MAF: variants seen among roughly 807,000 people sequenced by gnomAD.
MAF encodes the protein MAF bZIP transcription factor.
A neutral mutation model predicts 22.0 loss-of-function variants in MAF; 10 were observed. That is an observed-to-expected ratio of 0.45 (90% CI 0.28 to 0.77). The LOEUF is 0.77. Among genes scored for constraint, MAF ranks in the 30% least tolerant of loss-of-function variants. MAF has a pLI of 0.12. For missense variants in MAF, 544 were observed against 548.4 expected (o/e 0.99, Z 0.08); for synonymous variants, 337 against 255.8 (o/e 1.32, Z -3.03).
chr16:79,407,789 C>T, the MAF span, among the ~76,000 whole-genome samples: 10 of 152,098 alleles, frequency 6.6e-5, no homozygotes, highest in Non-Finnish European at 1.5e-4. Context: ...GAGATCCAGT[C>T]GAGCCGCCCC....
chr16:79,577,154 G>A, the MAF span, among the ~76,000 whole-genome samples: 3 of 151,978 alleles, frequency 2.0e-5, no homozygotes, highest in African/African-American at 7.3e-5. Flanking sequence ...TTTCAGAGCC[G>A]GAGGGGTCTT....
the MAF span, among the ~76,000 whole-genome samples, chr16:79,307,333 A>G: frequency 3.9e-5 from 6 of 152,214 alleles, no homozygotes; most frequent in Non-Finnish European, 8.8e-5. Context: ...AAGGGCTTTG[A>G]GGTCCCAGAC....
chr16:79,452,868 G>A, the MAF span, among the ~76,000 whole-genome samples: 2 of 152,146 alleles, frequency 1.3e-5, no homozygotes, highest in Non-Finnish European at 2.9e-5. Context: ...GTCGCGAGAT[G>A]AAAGAACCTG....
At chr16:79,287,867 G>T in the MAF span, among the ~76,000 whole-genome samples, 9 of 151,980 alleles carry the variant, frequency 5.9e-5, no homozygotes, top group Non-Finnish European at 1.2e-4. Flanking sequence ...TCTGTGTTAG[G>T]CAGTCACCAA....
the MAF span, among the ~76,000 whole-genome samples, chr16:79,335,115 G>A: frequency 6.6e-6 from 1 of 150,378 alleles, no homozygotes; most frequent in Non-Finnish European, 1.5e-5. Context: ...AAACTGGGAG[G>A]CAGATGTTGC....
the MAF span, among the ~76,000 whole-genome samples, chr16:79,415,493 T>C: frequency 1.3e-5 from 2 of 152,192 alleles, no homozygotes; most frequent in Admixed American, 6.5e-5. Context: ...GAGCTATGTG[T>C]TGGGGCAGAA....
the MAF span, among the ~76,000 whole-genome samples, chr16:79,372,066 AT>A: frequency 0.026 from 3,508 of 132,414 alleles, 63 homozygotes; most frequent in Middle Eastern, 0.063. Context: ...AGGGAGAGGA[AT>A]TTTTTTTTTT....
intron 1 of MAF, chr16:79,595,696 C>T (rs2143768544): frequency 9.5e-7 from 1 of 1,058,054 alleles, no homozygotes; most frequent in Non-Finnish European, 1.1e-6. Context: ...ACCAGTAAAT[C>T]AAAGCACAGC....
the MAF span, among the ~76,000 whole-genome samples, chr16:79,219,882 T>C: frequency 6.6e-6 from 1 of 152,234 alleles, no homozygotes; most frequent in Non-Finnish European, 1.5e-5. Flanking sequence ...CCTTTCAATA[T>C]GATTTGTGAT....
chr16:79,318,942 C>G, the MAF span, among the ~76,000 whole-genome samples: 1 of 152,278 alleles, frequency 6.6e-6, no homozygotes, highest in East Asian at 1.9e-4. Flanking sequence ...ACCCTCAAAC[C>G]TCCATGAAAC....
the MAF span, among the ~76,000 whole-genome samples, chr16:79,530,928 T>C: frequency 6.6e-6 from 1 of 152,208 alleles, no homozygotes; most frequent in East Asian, 1.9e-4. Flanking sequence ...CTGTGTCTTT[T>C]AGGGAGATGG....
downstream of MAF, among the ~76,000 whole-genome samples, chr16:79,590,182 G>C (rs926581108): frequency 2.6e-5 from 4 of 152,046 alleles, no homozygotes; most frequent in Admixed American, 2.0e-4. Context: ...GGGATGCGGT[G>C]TTCCTGTCCC....
At chr16:79,496,635 T>G in the MAF span, among the ~76,000 whole-genome samples, 684 of 152,340 alleles carry the variant, frequency 4.5e-3, 8 homozygotes, top group African/African-American at 0.015. Flanking sequence ...GGATATAGTT[T>G]TCAAAGGAGG....
At chr16:79,284,016 G>A in the MAF span, among the ~76,000 whole-genome samples, 273 of 145,264 alleles carry the variant, frequency 1.9e-3, no homozygotes, top group African/African-American at 6.7e-3. Flanking sequence ...ATTGATGGCA[G>A]AACAAGGGTC....
At chr16:79,560,953 G>T in the MAF span, among the ~76,000 whole-genome samples, 1 of 152,254 alleles carries the variant, frequency 6.6e-6, no homozygotes, top group East Asian at 1.9e-4. Flanking sequence ...CTGCATTCAA[G>T]GTTTGCTCTA....
At chr16:79,555,577 G>A in the MAF span, among the ~76,000 whole-genome samples, 11 of 152,200 alleles carry the variant, frequency 7.2e-5, no homozygotes, top group African/African-American at 2.6e-4. Flanking sequence ...AATACAGGTC[G>A]GGTATCCCTA....
chr16:79,252,644 C>T, the MAF span, among the ~76,000 whole-genome samples: 4 of 152,116 alleles, frequency 2.6e-5, no homozygotes, highest in Non-Finnish European at 5.9e-5. Flanking sequence ...CTCTCGGTAC[C>T]ACGCTTGGCT....
chr16:79,334,977 G>A, the MAF span, among the ~76,000 whole-genome samples: 3 of 151,836 alleles, frequency 2.0e-5, no homozygotes, highest in Admixed American at 6.6e-5. Flanking sequence ...ACCAGGTCAG[G>A]AGATTGAGAC....
chr16:79,257,456 T>C, the MAF span, among the ~76,000 whole-genome samples: 1 of 152,154 alleles, frequency 6.6e-6, no homozygotes, highest in African/African-American at 2.4e-5. Flanking sequence ...GAAATAAAGA[T>C]GCATACAGAA....
Sources: allele counts gnomAD v4.1 joint callset (sites outside exome capture counted in the v4.1 genomes callset), GRCh38; gene constraint gnomAD v4.1.1; transcripts MANE v1.5; gene names NCBI Gene and HGNC (gene_info 2026-07-23, HGNC 2026-07-21).